Variants in FUT8 observed in about 807,000 individuals in gnomAD.
FUT8 encodes the protein alpha-(1,6)-fucosyltransferase.
In FUT8, 29 loss-of-function variants were observed where a neutral mutation model predicts 71.3. The observed-to-expected ratio is 0.41, with a 90% CI of 0.30 to 0.55. The LOEUF is 0.55. FUT8 is among the 20% of genes least tolerant of loss of function. FUT8 has a pLI of 0.34. For synonymous variants in FUT8, 254 were observed against 239.3 expected (o/e 1.06, Z -0.57); for missense variants, 544 against 702.1 (o/e 0.77, Z 2.55).
At chr14:65,644,321 C>T (rs1230105716) in intron 6 of FUT8, among the ~76,000 whole-genome samples, 1 of 151,980 alleles carries the variant, frequency 6.6e-6, no homozygotes, top group Non-Finnish European at 1.5e-5. Context: ...GACGGAGTCT[C>T]ACTCTGTCAC....
In FUT8 at chr14:65,542,248, T is replaced by C. The variant is rs561739735; in HGVS notation, c.-227-19089T>C. On this transcript the variant is annotated intron_variant, in intron 2 of 10. Transcript: ENST00000673929. ...AGACAAAGTAATGCAGGTTCGGATA[T>C]GTCCTGCTTGATTCTTTACTGTCCC... Among the ~76,000 whole-genome samples, 436 of 152,324 alleles carry C rather than the reference T, an allele frequency of 2.9e-3. 3 individuals carry two copies. Among genetic ancestry groups the C allele is most frequent in the African/African-American group, 1.0e-2 (415 of 41,576 alleles).
At chr14:65,653,520 A>G (rs1891517515) in intron 6 of FUT8, among the ~76,000 whole-genome samples, 1 of 152,234 alleles carries the variant, frequency 6.6e-6, no homozygotes, top group South Asian at 2.1e-4. Flanking sequence ...GAAGCTGGGC[A>G]AACTCCTAAC....
At chr14:65,368,050 CTTTTT>C in the FUT8 span, among the ~76,000 whole-genome samples, 1 of 85,808 alleles carries the variant, frequency 1.2e-5, no homozygotes, top group Non-Finnish European at 2.4e-5. Flanking sequence ...GGCAAAATTA[CTTTTT>C]TTTTTTTTTT....
At chr14:65,534,992 C>CT (rs1318102888) in intron 2 of FUT8, among the ~76,000 whole-genome samples, 1 of 150,754 alleles carries the variant, frequency 6.6e-6, no homozygotes, top group Non-Finnish European at 1.5e-5. Flanking sequence ...ATCTCTAGTT[C>CT]TTTTAGTTGT....
chr14:65,445,954 A>G (rs1205261439), intron 1 of FUT8, among the ~76,000 whole-genome samples: 1 of 152,250 alleles, frequency 6.6e-6, no homozygotes, highest in African/African-American at 2.4e-5. Context: ...TAAAATAATT[A>G]GCACTATAAT....
chr14:65,611,294 CACA>C (rs1888976324), intron 3 of FUT8, among the ~76,000 whole-genome samples: 2 of 47,356 alleles, frequency 4.2e-5, no homozygotes, highest in African/African-American at 1.9e-4. Flanking sequence ...CACACACACA[CACA>C]CACACCCCCC....
At chr14:65,398,989 G>A in the FUT8 span, among the ~76,000 whole-genome samples, 2 of 152,276 alleles carry the variant, frequency 1.3e-5, no homozygotes, top group African/African-American at 4.8e-5. Flanking sequence ...GCTTCAGTTA[G>A]CCTCTCTGTT....
At chr14:65,465,753 C>G (rs527938712) in intron 2 of FUT8, among the ~76,000 whole-genome samples, 1 of 152,144 alleles carries the variant, frequency 6.6e-6, no homozygotes, top group East Asian at 1.9e-4. Context: ...ACTGCTGTTG[C>G]TGGATGAAGT....
At chr14:65,579,646 A>G (rs189271421) in intron 3 of FUT8, among the ~76,000 whole-genome samples, 198 of 152,292 alleles carry the variant, frequency 1.3e-3, no homozygotes, top group Non-Finnish European at 2.2e-3. Context: ...GATCAGTAAT[A>G]CAAAAGCTTA....
At chr14:65,641,444 G>A (rs1890824385) in intron 6 of FUT8, among the ~76,000 whole-genome samples, 1 of 152,038 alleles carries the variant, frequency 6.6e-6, no homozygotes, top group African/African-American at 2.4e-5. Context: ...TCCACTTTGG[G>A]GCTGTTATAA....
At chr14:65,729,971 G>GT (rs1353818034) in intron 9 of FUT8, among the ~76,000 whole-genome samples, 1 of 150,964 alleles carries the variant, frequency 6.6e-6, no homozygotes, top group Admixed American at 6.6e-5. Flanking sequence ...TAAATGATGG[G>GT]TTTTTTTTCT....
chr14:65,500,899 G>T (rs2066635651), intron 2 of FUT8, among the ~76,000 whole-genome samples: 2 of 152,168 alleles, frequency 1.3e-5, no homozygotes. Flanking sequence ...TTTATGCCAT[G>T]ATATTTGTTT....
chr14:65,474,496 C>T (rs980482433), intron 2 of FUT8, among the ~76,000 whole-genome samples: 1 of 147,690 alleles, frequency 6.8e-6, no homozygotes, highest in African/African-American at 2.5e-5. Context: ...CCCAGCTACT[C>T]ATGGGGCTGG....
At chr14:65,418,848 T>C (rs1050509188) in intron 1 of FUT8, among the ~76,000 whole-genome samples, 1 of 152,218 alleles carries the variant, frequency 6.6e-6, no homozygotes, top group African/African-American at 2.4e-5. Flanking sequence ...ATAATAGGTT[T>C]ATTATAATGA....
At chr14:65,578,074 A>G (rs1000467733) in intron 3 of FUT8, among the ~76,000 whole-genome samples, 14 of 152,112 alleles carry the variant, frequency 9.2e-5, no homozygotes, top group African/African-American at 3.1e-4. Flanking sequence ...TAAACTTTGT[A>G]TTTGAATTTT....
intron 2 of FUT8, among the ~76,000 whole-genome samples, chr14:65,549,473 TA>T (rs1231808463): frequency 1.3e-5 from 2 of 152,278 alleles, no homozygotes; most frequent in Middle Eastern, 3.4e-3. Flanking sequence ...TATTTGTATT[TA>T]AAAATAGATT....
In FUT8 at chr14:65,669,199, C is replaced by T. The variant is rs375451996; in HGVS notation, c.598-44C>T. 7 of 1,449,554 alleles carry T rather than the reference C, an allele frequency of 4.8e-6. No homozygotes were observed. The highest frequency in any genetic ancestry group is 6.7e-6 in the Non-Finnish European group (7 of 1,039,180). 89.8% of individuals were successfully genotyped at this position (1,449,554 alleles called of 1,614,324 possible). Reference sequence around the variant, plus strand: ...AAAAAAAAAAGAGCAGTTGACCTCTCTGTACAACTTATCTTTATTTTCATT... The same window carrying T: ...AAAAAAAAAAGAGCAGTTGACCTCTTTGTACAACTTATCTTTATTTTCATT... On this transcript the variant is annotated intron_variant, in intron 6 of 10. Coordinates refer to ENST00000673929, the MANE Select transcript of FUT8 (RefSeq NM_001371533.1). This position sits in a 1 kb window ranked among gnomAD's most constrained non-coding sequence, Gnocchi z 4.5.
intron 6 of FUT8, among the ~76,000 whole-genome samples, chr14:65,667,433 AAAGAATAAAATACCT>A (rs2140366579): frequency 6.6e-6 from 1 of 152,298 alleles, no homozygotes; most frequent in South Asian, 2.1e-4. Context: ...ATTGCCACAA[AAAGAATAAAATACCT>A]AAGAATACTG....
In FUT8 at chr14:65,669,692, A is replaced by T. The variant is rs552161986; in HGVS notation, c.835+212A>T. On this transcript the variant is annotated intron_variant, in intron 7 of 10. Coordinates refer to ENST00000673929, the MANE Select transcript of FUT8 (RefSeq NM_001371533.1). The surrounding 1 kb of genome is among the most constrained non-coding windows in gnomAD (Gnocchi z 4.5). ...ATTTCTGATGCTCATTTTTATGTGA[A>T]TTTAGCAAAATCACTGAGTTTTTTT... Among the ~76,000 whole-genome samples the T allele has an allele frequency of 6.6e-6, 1 of 152,316 alleles. No homozygotes were observed. The highest frequency in any genetic ancestry group is 6.5e-5 in the Admixed American group (1 of 15,296).
Sources: gnomAD v4.1 joint callset for allele counts (sites outside exome capture counted in the v4.1 genomes callset) on GRCh38, gnomAD v4.1.1 for gene constraint, Gnocchi (gnomAD v3.1) non-coding constraint, MANE v1.5 for transcripts, NCBI Gene and HGNC (gene_info 2026-07-23, HGNC 2026-07-21) for gene names.